Variants in USP42 observed in about 807,000 individuals in gnomAD.
USP42 encodes the protein ubiquitin specific peptidase 42.
A neutral mutation model predicts 113.0 loss-of-function variants in USP42; 23 were observed. The ratio of observed to expected loss-of-function variants is 0.20; its 90% CI spans 0.15 to 0.29. The LOEUF is 0.29. Among genes scored for constraint, USP42 ranks in the 10% least tolerant of loss-of-function variants. The probability of loss-of-function intolerance (pLI) is 1.00; values close to 1 mark genes in which losing one functional copy is unlikely to be tolerated. For synonymous variants in USP42, 933 were observed against 699.0 expected, an observed-to-expected ratio of 1.33 and a Z score of -5.28; for missense variants, 2,174 against 1,779.8, an observed-to-expected ratio of 1.22 and a Z score of -3.99.
At chr7:6,104,714 C>T (rs1449923637), upstream of USP42, among the ~76,000 whole-genome samples, 4 of 152,206 alleles carry the variant, frequency 2.6e-5, no homozygotes, top group Non-Finnish European at 5.9e-5. Context: ...CCTCTGCCGG[C>T]CCGACCGGCG....
At position 6,139,416 on chromosome 7, in the gene USP42, A is replaced by T. The variant is rs1781327571; in HGVS notation, c.656+222A>T. The T allele has an allele frequency of 4.7e-6, 2 of 421,220 alleles. No individual in the cohort carries two copies. The highest frequency in any genetic ancestry group is 4.8e-5 in the South Asian group (1 of 20,910). The allele number at this position is 421,220 out of a possible 1,614,324, so 26.1% of individuals were successfully genotyped here. The stretch of plus-strand genomic sequence containing the variant: ...TAACAGTTTGAGTTGGCTCAATCAT[A>T]GATGTCAGGAAATAAACATTGGTCT... On this transcript the variant is annotated intron_variant, in intron 5 of 17. Transcript: ENST00000306177. The surrounding 1 kb of genome is among the most constrained non-coding windows in gnomAD (Gnocchi z 4.5).
rs1426048352 is a variant in USP42 at position 6,153,282 on chromosome 7, C to A, written c.2202-474C>A. On this transcript the variant is annotated intron_variant, in intron 14 of 17. Transcript: ENST00000306177. ...AGTGGGACTCTGTCCTTCAAAAAAA[C>A]AAAACAAAATGAAACAAAACAAAAA... Among the ~76,000 whole-genome samples, 43 of 130,034 alleles carry A rather than the reference C, an allele frequency of 3.3e-4. No individual in the cohort carries two copies. The East Asian group carries it at 8.2e-3, about 25-fold the overall frequency. The allele number at this position is 130,034 out of a possible 152,430, so 85.3% of individuals were successfully genotyped here.
At position 6,150,007 on chromosome 7, in the gene USP42, T is replaced by C; in HGVS notation, c.1811T>C (p.Leu604Pro). Residue 604 changes from leucine (L) to proline (P), a missense_variant, in exon 13 of 18, where the codon CTG (leucine) becomes CCG (proline). By Grantham distance (98) the Leu-to-Pro change is moderately conservative. Coordinates refer to ENST00000306177, the MANE Select transcript of USP42 (RefSeq NM_032172.3). ...NGKSKLNSSV[L>P]VPYGAESSED... ...AAATCCAAGCTGAACTCCAGCGTGC[T>C]GGTGCCCTATGGCGCCGAGTCCTCT... 1 of 1,613,398 alleles carries C rather than the reference T, an allele frequency of 6.2e-7. No homozygotes were observed.
intron 3 of USP42, chr7:6,116,988 CCCTCCCTT>C (rs1208934432): frequency 4.7e-6 from 2 of 424,674 alleles, no homozygotes; most frequent in African/African-American, 4.2e-5. Context: ...CTTCCTCCCT[CCCTCCCTT>C]CCTCCCTCTC....
At chr7:6,083,019 G>A in the USP42 span, among the ~76,000 whole-genome samples, 40 of 148,980 alleles carry the variant, frequency 2.7e-4, no homozygotes, top group African/African-American at 9.6e-4. Context: ...TGCCTCCTGG[G>A]TTCAAGCTGA....
intron 14 of USP42, among the ~76,000 whole-genome samples, chr7:6,152,456 A>T (rs10254043): frequency 6.6e-6 from 1 of 152,064 alleles, no homozygotes; most frequent in Non-Finnish European, 1.5e-5. Flanking sequence ...GGTGCTGTTC[A>T]TGCTGGCGGG....
intron 3 of USP42, among the ~76,000 whole-genome samples, chr7:6,120,963 T>C (rs1477089250): frequency 6.6e-6 from 1 of 152,214 alleles, no homozygotes; most frequent in Non-Finnish European, 1.5e-5. Context: ...ATTGCTAGCA[T>C]ATAGAAATAC....
At chr7:6,129,804 T>C (rs1388186779) in intron 3 of USP42, among the ~76,000 whole-genome samples, 1 of 147,260 alleles carries the variant, frequency 6.8e-6, no homozygotes, top group East Asian at 2.0e-4. Flanking sequence ...GAGGTTTCAG[T>C]GAGCCAAGAT....
chr7:6,111,141 T>C lies in USP42; in HGVS notation c.8T>C (p.Ile3Thr). The part of the protein sequence containing the change: MT[I>T]VDKASESSDP... ...CTTTTGCAGAGTTGAACAATGACCATAGTTGACAAAGCTTCTGAATCTTCA... is the reference window on the plus strand; with the variant it reads ...CTTTTGCAGAGTTGAACAATGACCACAGTTGACAAAGCTTCTGAATCTTCA... The change falls in exon 2 of 18, where the codon ATA becomes ACA. Residue 3 changes from isoleucine (I) to threonine (T), a missense_variant. Ile to Thr is a moderately conservative substitution (Grantham distance 89, BLOSUM62 -1). Transcript: ENST00000306177. 7.4e-6 allele frequency: 12 copies of C among 1,612,064 alleles called. No individual in the cohort carries two copies. The highest frequency in any genetic ancestry group is 9.3e-6 in the Non-Finnish European group (11 of 1,178,516).
chr7:6,109,700 C>CT (rs34684085), intron 1 of USP42, among the ~76,000 whole-genome samples: 1,844 of 125,546 alleles, frequency 0.015, 88 homozygotes, highest in Admixed American at 0.085. Context: ...CCCGCCCGGC[C>CT]TTTTTTTTTT....
intron 2 of USP42, 150 bp downstream of exon 2, chr7:6,111,524 C>T (rs919344508): frequency 1.1e-6 from 1 of 902,844 alleles, no homozygotes; most frequent in Non-Finnish European, 1.6e-6. Context: ...CTTTGTTTTC[C>T]TGTTACTTGT....
At chr7:6,148,948 A>T (rs1340007282) in intron 12 of USP42, among the ~76,000 whole-genome samples, 1 of 152,128 alleles carries the variant, frequency 6.6e-6, no homozygotes, top group Non-Finnish European at 1.5e-5. Context: ...TTTTACCATG[A>T]AGCTTTCCAG....
intron 17 of USP42, among the ~76,000 whole-genome samples, chr7:6,160,324 G>A (rs1020003141): frequency 6.6e-6 from 1 of 152,180 alleles, no homozygotes; most frequent in African/African-American, 2.4e-5. Flanking sequence ...TGGAGGTGGA[G>A]GAGGCATCTG....
chr7:6,136,541 T>G (rs1781163383), intron 4 of USP42, among the ~76,000 whole-genome samples: 1 of 152,326 alleles, frequency 6.6e-6, no homozygotes, highest in African/African-American at 2.4e-5. Flanking sequence ...AAATAATTGG[T>G]AAGTTTTATA....
At chr7:6,121,781 C>T (rs1780239219) in intron 3 of USP42, among the ~76,000 whole-genome samples, 1 of 152,216 alleles carries the variant, frequency 6.6e-6, no homozygotes, top group Non-Finnish European at 1.5e-5. Flanking sequence ...GCTCCCACCT[C>T]AGCTTCCTGA....
At chr7:6,115,602 A>C in intron 3 of USP42, 79 bp downstream of exon 3, 1 of 1,507,494 alleles carries the variant, frequency 6.6e-7, no homozygotes, top group Non-Finnish European at 9.1e-7. Flanking sequence ...GAAAGTGAAG[A>C]ATTAATCCAA....
intron 3 of USP42, among the ~76,000 whole-genome samples, chr7:6,129,058 C>T (rs1042389491): frequency 6.6e-6 from 1 of 152,156 alleles, no homozygotes; most frequent in Admixed American, 6.5e-5. Context: ...GCCATCCGCC[C>T]ACCTCAGGCT....
intron 14 of USP42, among the ~76,000 whole-genome samples, chr7:6,152,553 T>G (rs10257248): frequency 0.11 from 17,260 of 152,050 alleles, 1,645 homozygotes; most frequent in African/African-American, 0.26. Flanking sequence ...GCGTAGATAT[T>G]AAACCGGAAT....
intron 3 of USP42, among the ~76,000 whole-genome samples, chr7:6,124,117 C>T (rs1365460500): frequency 6.6e-6 from 1 of 151,960 alleles, no homozygotes; most frequent in East Asian, 1.9e-4. Flanking sequence ...CTCAGGTCAT[C>T]TGCCTGCCTC....
Sources: allele counts gnomAD v4.1 joint callset (sites outside exome capture counted in the v4.1 genomes callset), GRCh38; gene constraint gnomAD v4.1.1; non-coding constraint Gnocchi (gnomAD v3.1); transcripts MANE v1.5; gene names NCBI Gene and HGNC (gene_info 2026-07-23, HGNC 2026-07-21).